DTNA: variants seen among roughly 807,000 people sequenced by gnomAD.
DTNA encodes dystrophin-related protein 3.
DTNA carries 43 observed loss-of-function variants against 100.7 expected under a neutral mutation model. The ratio of observed to expected loss-of-function variants is 0.43; its 90% confidence interval spans 0.33 to 0.55. The LOEUF (loss-of-function observed/expected upper bound fraction) is 0.55, where lower values mean the gene tolerates loss of function less well. Ranked by LOEUF, DTNA falls within the 20% of genes least tolerant of loss-of-function variation. The pLI, the probability that DTNA is intolerant of heterozygous loss-of-function variation, is 0.04. For missense variants in DTNA, 798 were observed against 953.9 expected, an observed-to-expected ratio of 0.84 and a Z score of 2.15; for synonymous variants, 349 against 347.9, an observed-to-expected ratio of 1.00 and a Z score of -0.04.
At chr18:34,642,178 A>G (rs1230789019) in intron 1 of DTNA, among the ~76,000 whole-genome samples, 1 of 152,180 alleles carries the variant, frequency 6.6e-6, no homozygotes, top group African/African-American at 2.4e-5. Context: ...CCACTGAGGC[A>G]TTCTGGGAAC....
chr18:34,736,053 T>TATAG (rs1345803604), intron 1 of DTNA, among the ~76,000 whole-genome samples: 1 of 152,192 alleles, frequency 6.6e-6, no homozygotes, highest in African/African-American at 2.4e-5. Flanking sequence ...GCATAAAATA[T>TATAG]ACCTAGAGGA....
At chr18:34,525,581 G>A (rs540363323) in intron 1 of DTNA, among the ~76,000 whole-genome samples, 1 of 152,168 alleles carries the variant, frequency 6.6e-6, no homozygotes, top group South Asian at 2.1e-4. Flanking sequence ...GCTTTTCTTT[G>A]TCCATCAGGT....
At chr18:34,621,966 A>C (rs534556593) in intron 1 of DTNA, among the ~76,000 whole-genome samples, 1 of 152,322 alleles carries the variant, frequency 6.6e-6, no homozygotes, top group South Asian at 2.1e-4. Context: ...AGTTGAACTC[A>C]TAGAAGCAGA....
Position 34,799,802 on chromosome 18 carries a change from G to A in DTNA, c.362+5552G>A, listed in dbSNP as rs376086056. Reference sequence around the variant, plus strand: ...TTATCTGACATACTTTGAATGAGTAGCAGGTAGAATTTCAAGAGAGATGAG... The same window carrying A: ...TTATCTGACATACTTTGAATGAGTAACAGGTAGAATTTCAAGAGAGATGAG... On this transcript the variant is annotated intron_variant, in intron 4 of 22. Transcript: ENST00000444659. 2.0e-5 allele frequency among the ~76,000 whole-genome samples: 3 copies of A among 152,152 alleles called. No individual in the cohort carries two copies. In the South Asian group the frequency reaches 6.2e-4, roughly 32 times the overall value.
intron 1 of DTNA, among the ~76,000 whole-genome samples, chr18:34,569,354 AG>A (rs1022883390): frequency 4.6e-5 from 7 of 152,204 alleles, no homozygotes; most frequent in Admixed American, 3.3e-4. Context: ...TAGGAAGGAA[AG>A]GGAGTACTTT....
chr18:34,648,247 C>T (rs1240977), intron 1 of DTNA, among the ~76,000 whole-genome samples: 29,271 of 152,052 alleles, frequency 0.19, 4,180 homozygotes, highest in African/African-American at 0.41. Flanking sequence ...AGGTTTATAA[C>T]GTATGTCTAG....
At chr18:34,692,474 T>C (rs2079913686) in intron 1 of DTNA, among the ~76,000 whole-genome samples, 1 of 152,232 alleles carries the variant, frequency 6.6e-6, no homozygotes, top group Non-Finnish European at 1.5e-5. Flanking sequence ...ATGTTAGATC[T>C]TTCCACTGCA....
At position 34,851,818 on chromosome 18, in the gene DTNA, A is replaced by G. The variant is rs532458781; in HGVS notation, c.1435-13A>G. On this transcript the variant is annotated splice_polypyrimidine_tract_variant and intron_variant, in intron 14 of 22. Transcript: ENST00000444659. Reference sequence around the variant, plus strand: ...TTCTCAATATGAAATCTTATAAACTACATATTTTACAGCAGCCACCTCAGC... The same window carrying G: ...TTCTCAATATGAAATCTTATAAACTGCATATTTTACAGCAGCCACCTCAGC... 4 of 1,613,116 alleles carry G rather than the reference A, an allele frequency of 2.5e-6. No individual in the cohort carries two copies. Among genetic ancestry groups the G allele is most frequent in the Non-Finnish European group, 2.5e-6 (3 of 1,179,160 alleles).
rs751338456 is a variant in DTNA, at chr18:34,661,376, G to A, written c.-1-94600G>A. 2.8e-4 allele frequency among the ~76,000 whole-genome samples: 42 copies of A among 152,106 alleles called. 1 individual carries two copies. The highest frequency in any genetic ancestry group is 1.8e-4 in the Non-Finnish European group (12 of 68,026). ...CTTCCAGCTGCAGTATGTATTGATG[G>A]CCCTGCCTTCTGTTAGAGTACAAGT... On this transcript the variant is annotated intron_variant, in intron 1 of 19. Coordinates refer to the DTNA transcript ENST00000283365.
At chr18:34,867,242 C>A in intron 17 of DTNA, 1 of 1,231,350 alleles carries the variant, frequency 8.1e-7, no homozygotes, top group Non-Finnish European at 1.0e-6. Context: ...TTGGAAAATG[C>A]TGGACACATT....
At position 34,879,611 on chromosome 18, in the gene DTNA, A is replaced by G; in HGVS notation, c.2054A>G (p.Asp685Gly). ...DSEFARTQFE[D>G]LVPSPTSEKA... is the part of the protein sequence containing the mutation. ...GAATTTGCACGGACTCAGTTTGAGG[A>G]TCTTGTTCCCTCACCAACCTCTGAA... Residue 685 changes from aspartate to glycine, a missense_variant, in exon 20 of 23, where the codon GAT becomes GGT. Physicochemically the swap from Asp to Gly is moderately conservative, Grantham distance 94. This residue lies in a region of DTNA where 242 missense variants were observed against 238.2 expected (regional missense o/e 1.02). Coordinates refer to ENST00000444659, the MANE Select transcript of DTNA (RefSeq NM_001386795.1). 1 of 1,614,096 alleles carries G rather than the reference A, an allele frequency of 6.2e-7. No homozygotes were observed. The highest frequency in any genetic ancestry group is 8.5e-7 in the Non-Finnish European group (1 of 1,180,006).
chr18:34,790,311 G>A (rs556020922), intron 3 of DTNA, among the ~76,000 whole-genome samples: 390 of 152,076 alleles, frequency 2.6e-3, no homozygotes, highest in Non-Finnish European at 4.4e-3. Context: ...GCTGTGATGG[G>A]GAAGGACAGA....
intron 1 of DTNA, among the ~76,000 whole-genome samples, chr18:34,661,594 C>G (rs2075191790): frequency 6.6e-6 from 1 of 152,126 alleles, no homozygotes; most frequent in Admixed American, 6.5e-5. Flanking sequence ...TAATTTTAAT[C>G]AGACAAAGGA....
chr18:34,778,112 G>A (rs2094146806), intron 3 of DTNA, among the ~76,000 whole-genome samples: 1 of 152,164 alleles, frequency 6.6e-6, no homozygotes, highest in African/African-American at 2.4e-5. Context: ...TCTCGCAGCA[G>A]ATTGAGGTTT....
chr18:34,838,889 G>T, intron 13 of DTNA, 52 bp downstream of exon 13: 1 of 1,535,580 alleles, frequency 6.5e-7, no homozygotes. Context: ...TACAGTCTGA[G>T]CTGGTGACAA....
rs181140189 is a variant in DTNA, at chr18:34,657,883, A to G, written c.-1-98093A>G. ...ACTGCCATCTTTGTATTGCTAGAAT[A>G]CACCTTTGGACAATCATTCAGGAAG... On this transcript the variant is annotated intron_variant, in intron 1 of 19. Transcript: ENST00000283365. Among the ~76,000 whole-genome samples, 5 of 152,346 alleles carry G rather than the reference A, an allele frequency of 3.3e-5. No individual in the cohort carries two copies. In the East Asian group the frequency reaches 7.7e-4, roughly 23 times the overall value.
chr18:34,699,726 GA>G (rs2146124210), intron 1 of DTNA, among the ~76,000 whole-genome samples: 1 of 152,272 alleles, frequency 6.6e-6, no homozygotes, highest in South Asian at 2.1e-4. Context: ...TACCAGCAAA[GA>G]AAAGGGGGAG....
chr18:34,639,868 C>A (rs2059078097), intron 1 of DTNA, among the ~76,000 whole-genome samples: 1 of 152,206 alleles, frequency 6.6e-6, no homozygotes, highest in African/African-American at 2.4e-5. Flanking sequence ...AGCTGCCAGC[C>A]TGGCAGATAA....
chr18:34,871,469 A>T (rs2096765282), intron 17 of DTNA, among the ~76,000 whole-genome samples: 1 of 152,168 alleles, frequency 6.6e-6, no homozygotes, highest in African/African-American at 2.4e-5. Context: ...CTATATATTG[A>T]TCTGCATGGA....
Sources: allele counts gnomAD v4.1 joint callset (sites outside exome capture counted in the v4.1 genomes callset), GRCh38; gene constraint gnomAD v4.1.1; regional missense constraint gnomAD v4.1.1; transcripts MANE v1.5; gene names NCBI Gene and HGNC (gene_info 2026-07-23, HGNC 2026-07-21).